SPNS3: variants seen among roughly 807,000 people sequenced by gnomAD.
The protein encoded by SPNS3 is SPNS lysolipid transporter 3, sphingosine-1-phosphate (putative).
Under a neutral mutation model 54.4 loss-of-function variants are expected in SPNS3, and 51 were observed. The observed-to-expected ratio is 0.94, with a 90% CI of 0.75 to 1.18. The LOEUF (loss-of-function observed/expected upper bound fraction) is 1.18, where lower values mean the gene tolerates loss of function less well. SPNS3 is among the 50% of genes most tolerant of loss of function. SPNS3 has a pLI of 0.00. For missense variants in SPNS3, 669 were observed against 677.4 expected (o/e 0.99, Z 0.14); for synonymous variants, 309 against 294.7 (o/e 1.05, Z -0.50).
At position 4,463,407 on chromosome 17, in the gene SPNS3, A is replaced by AAAC. The variant is rs1555531338; in HGVS notation, c.1113+10204_1113+10205insCAA. 8.0e-3 allele frequency among the ~76,000 whole-genome samples: 1,153 copies of AAAC among 143,962 alleles called. 21 individuals are homozygous for AAAC. The highest frequency in any genetic ancestry group is 0.029 in the African/African-American group (1,095 of 37,306). The allele number at this position is 143,962 out of a possible 152,430, so 94.4% of individuals were successfully genotyped here. On this transcript the variant is annotated intron_variant, in intron 8 of 11. Transcript: ENST00000355530. ...GCAAGACTCTGTCTCAAAAAAAAAA[A>AAAC]AAAACAAAACAAAACAAAAAACCAA...
At chr17:4,470,343 G>T (rs200632757) in intron 8 of SPNS3, among the ~76,000 whole-genome samples, 1 of 152,086 alleles carries the variant, frequency 6.6e-6, no homozygotes, top group African/African-American at 2.4e-5. Flanking sequence ...GCTGAGAATC[G>T]ATTGAACTCA....
chr17:4,458,582 TTCCCTC>T (rs1567563798), intron 8 of SPNS3, among the ~76,000 whole-genome samples: 2,120 of 72,916 alleles, frequency 0.029, 45 homozygotes, highest in Non-Finnish European at 0.051. Flanking sequence ...TCTTTCTTCC[TTCCCTC>T]CTTTCTTTCT....
chr17:4,445,532 C>T (rs1290513935), intron 3 of SPNS3, among the ~76,000 whole-genome samples: 2 of 152,088 alleles, frequency 1.3e-5, no homozygotes, highest in Non-Finnish European at 2.9e-5. Context: ...CGTGCCACCA[C>T]GCCCAGCTAA....
At chr17:4,480,484 T>C (rs887509139) in intron 9 of SPNS3, among the ~76,000 whole-genome samples, 1 of 152,210 alleles carries the variant, frequency 6.6e-6, no homozygotes, top group Non-Finnish European at 1.5e-5. Context: ...CAAACAGAGC[T>C]GCACCTGCCC....
chr17:4,453,511 G>T lies in SPNS3; in HGVS notation c.1113+306G>T, dbSNP rs1029751585. On this transcript the variant is annotated intron_variant, in intron 8 of 11. Coordinates refer to ENST00000355530, the MANE Select transcript of SPNS3 (RefSeq NM_182538.5). ...CAGGCACCTATAATCCCAGCTGCTT[G>T]GGAGGCTGAGGCAGGAGAATCGCTT... Among the ~76,000 whole-genome samples, 7 of 152,156 alleles carry T rather than the reference G, an allele frequency of 4.6e-5. No individual in the cohort carries two copies. The South Asian group carries it at 1.5e-3, about 32-fold the overall frequency.
At position 4,483,426 on chromosome 17, in the gene SPNS3, C is replaced by T. The variant is rs1972226325; in HGVS notation, c.1180-2802C>T. ...GCTGGCTGCACGGAGACAATGAGGA[C>T]TTGGAACAGGCTGGGGGAGACCCAC... On this transcript the variant is annotated intron_variant, in intron 9 of 11. Coordinates refer to ENST00000355530, the MANE Select transcript of SPNS3 (RefSeq NM_182538.5). This position sits in a 1 kb window ranked among gnomAD's most constrained non-coding sequence, Gnocchi z 4.2. 6.6e-6 allele frequency: 1 copy of T among 152,226 alleles called. No individual in the cohort carries two copies. Among genetic ancestry groups the T allele is most frequent in the African/African-American group, 2.4e-5 (1 of 41,422 alleles). The allele number at this position is 152,226 out of a possible 1,614,324, so 9.4% of individuals were successfully genotyped here. A position where few individuals can be genotyped will look rare whatever the true frequency, so the allele number is the denominator to read the frequency against.
chr17:4,462,976 T>C (rs1462410804), intron 8 of SPNS3, among the ~76,000 whole-genome samples: 1 of 151,370 alleles, frequency 6.6e-6, no homozygotes, highest in Non-Finnish European at 1.5e-5. Flanking sequence ...GGAGACAGGC[T>C]CCAAACTCTT....
intron 2 of SPNS3, among the ~76,000 whole-genome samples, chr17:4,440,047 G>C (rs898131945): frequency 1.3e-5 from 2 of 152,162 alleles, no homozygotes; most frequent in African/African-American, 4.8e-5. Context: ...CCAGAGGCTT[G>C]CTGGGCTTTG....
At position 4,485,387 on chromosome 17, in the gene SPNS3, CTTTATTTTT is replaced by C. The variant is rs1417283204; in HGVS notation, c.1180-828_1180-820del. On this transcript the variant is annotated intron_variant, in intron 9 of 11. Transcript: ENST00000355530. ...AACCTGAGTGTGTGACACCAGAGTTCTTTATTTTTTTTATTTTTTTTTTTTTTGAGATGG... is the reference window on the plus strand; with the variant it reads ...AACCTGAGTGTGTGACACCAGAGTTCTTTATTTTTTTTTTTTTTGAGATGG... 2.4e-4 allele frequency among the ~76,000 whole-genome samples: 36 copies of C among 151,362 alleles called. No homozygotes were observed. In the East Asian group the frequency reaches 6.3e-3, roughly 26 times the overall value.
chr17:4,460,419 G>T (rs1454758182), intron 8 of SPNS3, among the ~76,000 whole-genome samples: 2 of 141,810 alleles, frequency 1.4e-5, no homozygotes, highest in Non-Finnish European at 3.0e-5. Flanking sequence ...TCATTTTTAT[G>T]TATTGCTGGA....
chr17:4,435,749 C>T lies in SPNS3; in HGVS notation c.199+1583C>T, dbSNP rs546687200. Reference sequence around the variant, plus strand: ...CTGTCTTCTGTCACTCATTCACTAACTCACTCACTCATTCATTCATTCAAG... The same window carrying T: ...CTGTCTTCTGTCACTCATTCACTAATTCACTCACTCATTCATTCATTCAAG... On this transcript the variant is annotated intron_variant, in intron 1 of 11. Coordinates refer to ENST00000355530, the MANE Select transcript of SPNS3 (RefSeq NM_182538.5). 3.1e-4 allele frequency among the ~76,000 whole-genome samples: 36 copies of T among 115,752 alleles called. No homozygotes were observed. In the South Asian group the frequency reaches 9.7e-3, roughly 31 times the overall value. The allele number at this position is 115,752 out of a possible 152,430, so 75.9% of individuals were successfully genotyped here.
Position 4,439,753 on chromosome 17 carries a change from G to A in SPNS3, c.265+30G>A, listed in dbSNP as rs1261464155. 7.5e-6 allele frequency: 12 copies of A among 1,595,668 alleles called. No homozygotes were observed. The South Asian group carries it at 1.0e-4, about 13-fold the overall frequency. The stretch of plus-strand genomic sequence containing the variant: ...GGAGGAGCCCTGGCTCTGGAGCCGG[G>A]GCCCTGGGTTCATGCTGGGGTGGGC... On this transcript the variant is annotated intron_variant, in intron 2 of 11. Coordinates refer to ENST00000355530, the MANE Select transcript of SPNS3 (RefSeq NM_182538.5).
chr17:4,436,085 C>T (rs1188910157), intron 1 of SPNS3, among the ~76,000 whole-genome samples: 1 of 152,168 alleles, frequency 6.6e-6, no homozygotes, highest in Non-Finnish European at 1.5e-5. Context: ...ACTTGGAGTT[C>T]CTGAACTCAG....
intron 8 of SPNS3, among the ~76,000 whole-genome samples, chr17:4,477,003 C>A (rs1197465272): frequency 6.6e-6 from 1 of 152,184 alleles, no homozygotes; most frequent in African/African-American, 2.4e-5. Flanking sequence ...TCCTTCAGGG[C>A]TCTCCCTGGC....
chr17:4,469,421 T>C (rs7215249), intron 8 of SPNS3, among the ~76,000 whole-genome samples: 132,406 of 152,072 alleles, frequency 0.87, 57,940 homozygotes, highest in East Asian at 1. Flanking sequence ...TTGGGCCGGG[T>C]GCCCAATGCA....
chr17:4,469,802 C>T lies in SPNS3; in HGVS notation c.1114-8770C>T, dbSNP rs369669760. 2.1e-4 allele frequency among the ~76,000 whole-genome samples: 32 copies of T among 152,054 alleles called. No homozygotes were observed. In the South Asian group the frequency reaches 6.3e-3, roughly 30 times the overall value. On this transcript the variant is annotated intron_variant, in intron 8 of 11. Coordinates refer to ENST00000355530, the MANE Select transcript of SPNS3 (RefSeq NM_182538.5). Reference sequence around the variant, plus strand: ...CAAGGCTGTGAATGCGCAGTGCTACCGTGGTGAGGTCAAGGGTGGGACCAA... The same window carrying T: ...CAAGGCTGTGAATGCGCAGTGCTACTGTGGTGAGGTCAAGGGTGGGACCAA...
intron 1 of SPNS3, among the ~76,000 whole-genome samples, chr17:4,436,650 CA>C (rs561297937): frequency 1.3e-5 from 2 of 152,266 alleles, no homozygotes; most frequent in East Asian, 3.9e-4. Context: ...ACACATGAAA[CA>C]AAAAACCCCA....
chr17:4,485,972 A>G lies in SPNS3; in HGVS notation c.1180-256A>G, dbSNP rs8082381. 0.058 allele frequency among the ~76,000 whole-genome samples: 8,820 copies of G among 152,332 alleles called. 247 individuals carry two copies. The highest frequency in any genetic ancestry group is 0.078 in the African/African-American group (3,240 of 41,568). On this transcript the variant is annotated intron_variant, in intron 9 of 11. Transcript: ENST00000355530. ...GCATGCCTGGTTCCTTCCCAGTTCA[A>G]GAGCAAACTCTCAAGAGGGGTGGCC...
chr17:4,457,825 G>A (rs954362572), intron 8 of SPNS3, among the ~76,000 whole-genome samples: 56 of 152,158 alleles, frequency 3.7e-4, no homozygotes, highest in Admixed American at 5.9e-4. Flanking sequence ...CGTCTTGGCC[G>A]CCAAAGCCAG....
Sources: allele counts gnomAD v4.1 joint callset (sites outside exome capture counted in the v4.1 genomes callset), GRCh38; gene constraint gnomAD v4.1.1; non-coding constraint Gnocchi (gnomAD v3.1); transcripts MANE v1.5; gene names NCBI Gene and HGNC (gene_info 2026-07-23, HGNC 2026-07-21).